Variants in MTFR1L observed in about 807,000 individuals in gnomAD.
The protein encoded by MTFR1L is mitochondrial fission regulator 1-like.
A neutral mutation model predicts 27.9 loss-of-function variants in MTFR1L; 10 were observed. The observed-to-expected ratio is 0.36, with a 90% CI of 0.22 to 0.61. The LOEUF (loss-of-function observed/expected upper bound fraction) is 0.61. MTFR1L is among the 20% of genes least tolerant of loss of function. The pLI is 0.73. For missense variants in MTFR1L, 315 were observed against 363.7 expected (o/e 0.87, Z 1.09); for synonymous variants, 151 against 139.4 (o/e 1.08, Z -0.58).
At chr1:25,831,313 C>G (rs2048236934) in intron 6 of MTFR1L, among the ~76,000 whole-genome samples, 2 of 152,164 alleles carry the variant, frequency 1.3e-5, no homozygotes, top group Admixed American at 6.5e-5. Flanking sequence ...ATCTAGGACC[C>G]TCTTATATGA....
chr1:25,824,157 C>T (rs1221683869), intron 3 of MTFR1L, among the ~76,000 whole-genome samples: 3 of 152,172 alleles, frequency 2.0e-5, no homozygotes, highest in Non-Finnish European at 4.4e-5. Flanking sequence ...ATTACAGGCA[C>T]AAGCCACCAT....
chr1:25,821,080 G>A, intron 1 of MTFR1L: 1 of 265,492 alleles, frequency 3.8e-6, no homozygotes, highest in Non-Finnish European at 7.3e-6. Context: ...GCTGCGAAGC[G>A]TGCAGGCCTT....
Position 25,819,975 on chromosome 1 carries a change from C to G in MTFR1L, c.-141C>G. 3.0e-6 allele frequency: 1 copy of G among 328,544 alleles called. No individual in the cohort carries two copies. The highest frequency in any genetic ancestry group is 5.9e-6 in the Non-Finnish European group (1 of 170,910). The allele number at this position is 328,544 out of a possible 1,614,324, so 20.4% of individuals were successfully genotyped here. The stretch of plus-strand genomic sequence containing the variant: ...AGTGAGGGCGGTTGAGGCTGGGCGG[C>G]CCAAGGTGGAAGGAGGGGCCGTGAG... On this transcript the variant is annotated 5_prime_UTR_variant, in exon 1 of 7. Transcript: ENST00000374303.
At chr1:25,823,887 G>T (rs1276943368) in intron 3 of MTFR1L, 139 bp downstream of exon 3, 5 of 1,140,802 alleles carry the variant, frequency 4.4e-6, no homozygotes, top group Admixed American at 5.7e-5. Context: ...ATGCTTATAA[G>T]ATATCCTGGT....
intron 6 of MTFR1L, among the ~76,000 whole-genome samples, chr1:25,830,269 T>C (rs1212921968): frequency 1.3e-5 from 2 of 152,206 alleles, no homozygotes; most frequent in Non-Finnish European, 2.9e-5. Context: ...TGCTTTAAAA[T>C]ACAGTGGTCC....
intron 1 of MTFR1L, chr1:25,820,654 G>T: frequency 1.4e-5 from 6 of 423,324 alleles, no homozygotes; most frequent in Non-Finnish European, 2.8e-5. Context: ...GCTGCGGGGC[G>T]CAGAGGTGAC....
chr1:25,823,179 G>A (rs2048119911), intron 2 of MTFR1L, 51 bp downstream of exon 2: 1 of 1,541,384 alleles, frequency 6.5e-7, no homozygotes, highest in Admixed American at 1.7e-5. Flanking sequence ...TGGGTGCTGG[G>A]CCTGCTGAAG....
At chr1:25,824,851 A>C (rs764583835) in intron 3 of MTFR1L, among the ~76,000 whole-genome samples, 1 of 152,064 alleles carries the variant, frequency 6.6e-6, no homozygotes, top group African/African-American at 2.4e-5. Flanking sequence ...TACCCTCTTC[A>C]GTTCTTTGGC....
Position 25,832,318 on chromosome 1 carries a change from C to T in MTFR1L, c.*292C>T. 1 of 809,844 alleles carries T rather than the reference C, an allele frequency of 1.2e-6. No individual in the cohort carries two copies. Among genetic ancestry groups the T allele is most frequent in the Non-Finnish European group, 1.9e-6 (1 of 521,824 alleles). 50.2% of individuals were successfully genotyped at this position (809,844 alleles called of 1,614,324 possible). On this transcript the variant is annotated 3_prime_UTR_variant, in exon 7 of 7. Coordinates refer to ENST00000374303, the MANE Select transcript of MTFR1L (RefSeq NM_001099625.2). ...GAAGTTGTTTCTGGTTTTTCCTTGC[C>T]CCTGTGTGAAAATAGGTCCTAAATG... is the stretch of plus-strand genomic sequence containing the variant.
intron 2 of MTFR1L, 31 bp from the exon 3 acceptor site, chr1:25,823,613 G>A: frequency 6.2e-7 from 1 of 1,609,828 alleles, no homozygotes; most frequent in East Asian, 2.2e-5. Context: ...CATTCTCTGG[G>A]GTTGTAGCTG....
intron 6 of MTFR1L, among the ~76,000 whole-genome samples, chr1:25,831,132 C>T (rs2048234646): frequency 6.6e-6 from 1 of 152,162 alleles, no homozygotes; most frequent in South Asian, 2.1e-4. Flanking sequence ...GGAAAGTACC[C>T]CAGTCAGCAA....
At position 25,826,524 on chromosome 1, in the gene MTFR1L, C is replaced by T; in HGVS notation, c.240-91C>T. On this transcript the variant is annotated intron_variant, in intron 4 of 6. Transcript: ENST00000374303. This position sits in a 1 kb window ranked among gnomAD's most constrained non-coding sequence, Gnocchi z 4.1. Reference sequence around the variant, plus strand: ...GGGCTCAGAGAGGAGCAGAACCTTACTATACTACTCTCACAGAAGTGGGGG... The same window carrying T: ...GGGCTCAGAGAGGAGCAGAACCTTATTATACTACTCTCACAGAAGTGGGGG... 1 of 1,570,976 alleles carries T rather than the reference C, an allele frequency of 6.4e-7. No individual in the cohort carries two copies. The highest frequency in any genetic ancestry group is 1.1e-5 in the South Asian group (1 of 89,568).
rs1009151466 is a variant in MTFR1L at position 25,832,181 on chromosome 1, T to C, written c.*155T>C. ...GGACTGAAAGAGAAGAGCTGGATTA[T>C]ATATTTCCCAGACTTCAAACCCTAG... is the stretch of plus-strand genomic sequence containing the variant. On this transcript the variant is annotated 3_prime_UTR_variant, in exon 7 of 7. Transcript: ENST00000374303. 1.3e-6 allele frequency: 2 copies of C among 1,542,368 alleles called. No homozygotes were observed. The highest frequency in any genetic ancestry group is 1.4e-5 in the African/African-American group (1 of 73,236).
At position 25,826,658 on chromosome 1, in the gene MTFR1L, CTGAT is replaced by C; in HGVS notation, c.286_289del (p.Ile96SerfsTer21). On this transcript the variant is annotated frameshift_variant, in exon 5 of 7. Coordinates refer to ENST00000374303, the MANE Select transcript of MTFR1L (RefSeq NM_001099625.2). LOFTEE classifies it high-confidence loss of function. This position sits in a 1 kb window ranked among gnomAD's most constrained non-coding sequence, Gnocchi z 4.1. ...GAGGCACACCTGGAAACCCAGCCCT[CTGAT>C]TGTCATGCAGCGCAATGCCTCTGTT... 1 of 1,614,210 alleles carries C rather than the reference CTGAT, an allele frequency of 6.2e-7. No individual in the cohort carries two copies.
Position 25,826,563 on chromosome 1 carries a change from A to C in MTFR1L, c.240-52A>C. The C allele has an allele frequency of 6.2e-7, 1 of 1,607,196 alleles. No homozygotes were observed. The highest frequency in any genetic ancestry group is 8.5e-7 in the Non-Finnish European group (1 of 1,174,110). On this transcript the variant is annotated intron_variant, in intron 4 of 6. Coordinates refer to ENST00000374303, the MANE Select transcript of MTFR1L (RefSeq NM_001099625.2). This position sits in a 1 kb window ranked among gnomAD's most constrained non-coding sequence, Gnocchi z 4.1. The stretch of plus-strand genomic sequence containing the variant: ...CAGAAGTGGGGGAAGGAACCTTAGG[A>C]GCACAGTGGCCTGCTGTCTCTAACT...
intron 3 of MTFR1L, among the ~76,000 whole-genome samples, chr1:25,825,162 T>C (rs992385208): frequency 2.0e-5 from 3 of 152,196 alleles, no homozygotes; most frequent in African/African-American, 7.2e-5. Flanking sequence ...CCAGGTTTCC[T>C]ATCTAAATGC....
chr1:25,821,834 T>G (rs535430068), intron 1 of MTFR1L: 2 of 152,314 alleles, frequency 1.3e-5, no homozygotes, highest in African/African-American at 2.4e-5. Flanking sequence ...CTAATGCTAC[T>G]CAGCCTTTGC....
At position 25,826,672 on chromosome 1, in the gene MTFR1L, G is replaced by A. The variant is rs1017462972; in HGVS notation, c.297G>A (p.Gln99=). The A allele has an allele frequency of 6.2e-7, 1 of 1,614,212 alleles. No individual in the cohort carries two copies. The highest frequency in any genetic ancestry group is 2.2e-5 in the East Asian group (1 of 44,882). The change falls in exon 5 of 7, where the codon CAG becomes CAA. Residue 99 remains glutamine (Q), a synonymous_variant. Transcript: ENST00000374303. This position sits in a 1 kb window ranked among gnomAD's most constrained non-coding sequence, Gnocchi z 4.1. The part of the protein sequence containing the change: ...TWKPSPLIVM[Q]RNASVPNLRG... ...AACCCAGCCCTCTGATTGTCATGCA[G>A]CGCAATGCCTCTGTTCCCAACCTGC...
Position 25,826,498 on chromosome 1 carries a change from T to G in MTFR1L, c.239+87T>G. On this transcript the variant is annotated intron_variant, in intron 4 of 6. Coordinates refer to ENST00000374303, the MANE Select transcript of MTFR1L (RefSeq NM_001099625.2). The surrounding 1 kb of genome is among the most constrained non-coding windows in gnomAD (Gnocchi z 4.1). ...AGCAAGGAGAGAGGAATGAGAACTGTGGGCTCAGAGAGGAGCAGAACCTTA... is the reference window on the plus strand; with the variant it reads ...AGCAAGGAGAGAGGAATGAGAACTGGGGGCTCAGAGAGGAGCAGAACCTTA... The G allele has an allele frequency of 1.3e-6, 2 of 1,583,246 alleles. No individual in the cohort carries two copies. The highest frequency in any genetic ancestry group is 2.2e-5 in the South Asian group (2 of 90,178).
Sources: allele counts gnomAD v4.1 joint callset (sites outside exome capture counted in the v4.1 genomes callset), GRCh38; gene constraint gnomAD v4.1.1; non-coding constraint Gnocchi (gnomAD v3.1); transcripts MANE v1.5; gene names NCBI Gene and HGNC (gene_info 2026-07-23, HGNC 2026-07-21).